TRPM1: variants seen among roughly 807,000 people sequenced by gnomAD.
TRPM1 encodes transient receptor potential cation channel subfamily M member 1, also known as TRPM1-203 APA Isoform, Intron 10.
TRPM1 carries 113 observed loss-of-function variants against 149.4 expected under a neutral mutation model. The ratio of observed to expected loss-of-function variants is 0.76; its 90% CI spans 0.65 to 0.88. The LOEUF is 0.88. Among genes scored for constraint, TRPM1 ranks in the 40% least tolerant of loss-of-function variants. The pLI, the probability that TRPM1 is intolerant of heterozygous loss-of-function variation, is 0.00. For synonymous variants in TRPM1, 741 were observed against 759.5 expected (o/e 0.98, Z 0.40); for missense variants, 1,976 against 2,038.7 (o/e 0.97, Z 0.59).
chr15:31,098,795 GA>G (rs1018878392), intron 1 of TRPM1, among the ~76,000 whole-genome samples: 1 of 152,110 alleles, frequency 6.6e-6, no homozygotes, highest in African/African-American at 2.4e-5. Context: ...GAGGGAGGAG[GA>G]TACCTGTGCT....
At chr15:31,088,699 G>C (rs2035090497) in intron 1 of TRPM1, among the ~76,000 whole-genome samples, 1 of 152,146 alleles carries the variant, frequency 6.6e-6, no homozygotes, top group Non-Finnish European at 1.5e-5. Flanking sequence ...TTTGGGATTT[G>C]GGGGCCGTCG....
At chr15:31,015,303 C>T (rs903741260) in intron 27 of TRPM1, among the ~76,000 whole-genome samples, 1 of 151,736 alleles carries the variant, frequency 6.6e-6, no homozygotes, top group Non-Finnish European at 1.5e-5. Flanking sequence ...ATCCCAGCCA[C>T]TTGGGGGCTG....
chr15:31,049,897 C>A (rs2033899413), intron 12 of TRPM1, among the ~76,000 whole-genome samples: 1 of 152,166 alleles, frequency 6.6e-6, no homozygotes, highest in South Asian at 2.1e-4. Context: ...GTGATAAGGG[C>A]AGGCACACGT....
intron 1 of TRPM1, among the ~76,000 whole-genome samples, chr15:31,131,379 A>G (rs752048): frequency 0.16 from 24,623 of 152,180 alleles, 2,979 homozygotes; most frequent in East Asian, 0.74. Context: ...AAAAAAGCAT[A>G]TGCTTAGTTT....
chr15:31,052,540 C>T (rs921796597), intron 11 of TRPM1, among the ~76,000 whole-genome samples: 1 of 152,068 alleles, frequency 6.6e-6, no homozygotes, highest in Non-Finnish European at 1.5e-5. Flanking sequence ...GTTGGGAGGC[C>T]GAGGCAGATG....
chr15:31,139,706 T>A (rs1014277870), intron 1 of TRPM1, among the ~76,000 whole-genome samples: 2 of 152,238 alleles, frequency 1.3e-5, no homozygotes, highest in African/African-American at 4.8e-5. Flanking sequence ...AAAATACTAA[T>A]GTATTGAACT....
chr15:31,050,652 G>A (rs2033923197), intron 11 of TRPM1, 70 bp from the exon 12 acceptor site: 1 of 1,555,872 alleles, frequency 6.4e-7, no homozygotes, highest in Non-Finnish European at 8.8e-7. Context: ...CCAGCTCATT[G>A]ACCCTCCCAC....
At chr15:31,005,104 A>T (rs866556831) in intron 27 of TRPM1, among the ~76,000 whole-genome samples, 2 of 142,758 alleles carry the variant, frequency 1.4e-5, no homozygotes, top group East Asian at 2.0e-4. Flanking sequence ...TCCATCTCAA[A>T]AAATAAATAA....
At position 31,031,118 on chromosome 15, in the gene TRPM1, C is replaced by A. The variant is rs762311684; in HGVS notation, c.2992G>T (p.Val998Leu). 2.5e-6 allele frequency: 4 copies of A among 1,614,070 alleles called. No individual in the cohort carries two copies. Among genetic ancestry groups the A allele is most frequent in the Non-Finnish European group, 3.4e-6 (4 of 1,180,042 alleles). ...CGGGCTACTCCGAAACTCATGAGCA[C>A]GACCAGCATGATGACCACAAAGTAC... ...MLYFVVIMLV[V>L]LMSFGVARQA... Residue 998 changes from valine (V) to leucine (L), a missense_variant, in exon 23 of 28, where the codon GTG becomes TTG. Val to Leu is a conservative substitution (Grantham distance 32). This residue lies in a region of TRPM1 where 1,332 missense variants were observed against 1,347.1 expected (regional missense o/e 0.99). Transcript: ENST00000256552.
intron 1 of TRPM1, among the ~76,000 whole-genome samples, chr15:31,098,384 C>A (rs1473498779): frequency 2.0e-5 from 3 of 152,142 alleles, no homozygotes; most frequent in Admixed American, 2.0e-4. Context: ...GAGCCGAGAT[C>A]ATGCCATTGC....
chr15:31,040,839 T>C lies in TRPM1; in HGVS notation c.2088-493A>G, dbSNP rs1269871849. On this transcript the variant is annotated intron_variant, in intron 17 of 27. Transcript: ENST00000256552. This position sits in a 1 kb window ranked among gnomAD's most constrained non-coding sequence, Gnocchi z 4.2. ...CTAGGTTCTTAGTTGATCTGGGTGC[T>C]GGTGGTGCCGGCATGTCCCACCTGT... Among the ~76,000 whole-genome samples, 1 of 152,096 alleles carries C rather than the reference T, an allele frequency of 6.6e-6. No homozygotes were observed. Among genetic ancestry groups the C allele is most frequent in the Non-Finnish European group, 1.5e-5 (1 of 67,990 alleles).
intron 1 of TRPM1, among the ~76,000 whole-genome samples, chr15:31,093,670 C>T (rs570478528): frequency 2.6e-4 from 39 of 151,738 alleles, no homozygotes; most frequent in African/African-American, 7.2e-4. Flanking sequence ...GGCATGATCT[C>T]GGCTCACTGC....
At chr15:31,056,464 A>C (rs539013902) in intron 11 of TRPM1, among the ~76,000 whole-genome samples, 2 of 152,350 alleles carry the variant, frequency 1.3e-5, no homozygotes, top group African/African-American at 4.8e-5. Context: ...CAGAGAGAAA[A>C]CAATGGTTCA....
At chr15:31,139,253 C>G (rs970499704) in intron 1 of TRPM1, among the ~76,000 whole-genome samples, 1 of 152,084 alleles carries the variant, frequency 6.6e-6, no homozygotes, top group Non-Finnish European at 1.5e-5. Flanking sequence ...GGTTCTGTGC[C>G]TTTGACATGT....
chr15:31,157,273 C>T (rs2036390278), intron 1 of TRPM1, among the ~76,000 whole-genome samples: 1 of 152,096 alleles, frequency 6.6e-6, no homozygotes, highest in Non-Finnish European at 1.5e-5. Context: ...ATACAGGTGG[C>T]TTGGTTCATT....
At chr15:31,093,964 T>C (rs1366959028) in intron 1 of TRPM1, among the ~76,000 whole-genome samples, 1 of 152,148 alleles carries the variant, frequency 6.6e-6, no homozygotes, top group African/African-American at 2.4e-5. Flanking sequence ...TTTCAGAATT[T>C]CAAAGCGTCA....
intron 1 of TRPM1, among the ~76,000 whole-genome samples, chr15:31,160,653 G>T (rs897505979): frequency 2.6e-5 from 4 of 152,218 alleles, no homozygotes; most frequent in Admixed American, 6.5e-5. Context: ...CGCCTCCCGG[G>T]TTTGCCACAG....
chr15:31,020,415 C>T (rs1453076485), intron 27 of TRPM1, among the ~76,000 whole-genome samples: 1 of 152,246 alleles, frequency 6.6e-6, no homozygotes, highest in Non-Finnish European at 1.5e-5. Flanking sequence ...AGCATCCATG[C>T]CGTATGTACA....
At chr15:31,016,122 C>T (rs931840620) in intron 27 of TRPM1, among the ~76,000 whole-genome samples, 1 of 152,164 alleles carries the variant, frequency 6.6e-6, no homozygotes, top group East Asian at 1.9e-4. Flanking sequence ...TGTAAACGTA[C>T]GTTACTATCC....
Sources: allele counts gnomAD v4.1 joint callset (sites outside exome capture counted in the v4.1 genomes callset), GRCh38; gene constraint gnomAD v4.1.1; regional missense constraint gnomAD v4.1.1; non-coding constraint Gnocchi (gnomAD v3.1); transcripts MANE v1.5; gene names NCBI Gene and HGNC (gene_info 2026-07-23, HGNC 2026-07-21).